The following CHCHD6 variants were observed in gnomAD, a reference collection of about 807,000 sequenced individuals.
The protein encoded by CHCHD6 is MICOS complex subunit MIC25.
Under a neutral mutation model 32.3 loss-of-function variants are expected in CHCHD6, and 28 were observed. The ratio of observed to expected loss-of-function variants is 0.87; its 90% CI spans 0.64 to 1.19. The LOEUF (loss-of-function observed/expected upper bound fraction) is 1.19. Ranked by LOEUF, CHCHD6 falls within the 50% of genes most tolerant of loss-of-function variation. The probability of loss-of-function intolerance (pLI) is 0.00; values close to 1 mark genes in which losing one functional copy is unlikely to be tolerated. For synonymous variants in CHCHD6, 122 were observed against 117.5 expected (o/e 1.04, Z -0.25); for missense variants, 333 against 307.0 (o/e 1.08, Z -0.63).
chr3:126,824,635 G>A (rs913056424), intron 4 of CHCHD6, among the ~76,000 whole-genome samples: 2 of 149,230 alleles, frequency 1.3e-5, no homozygotes, highest in African/African-American at 4.9e-5. Flanking sequence ...TGCTCAGGCT[G>A]GAATGAAATG....
chr3:126,725,653 C>T (rs572812136), intron 1 of CHCHD6, among the ~76,000 whole-genome samples: 20 of 152,330 alleles, frequency 1.3e-4, no homozygotes, highest in African/African-American at 4.3e-4. Flanking sequence ...CATCTTTTCC[C>T]AGTAGAAGAC....
intron 6 of CHCHD6, among the ~76,000 whole-genome samples, chr3:126,922,867 G>A (rs1324268115): frequency 6.6e-6 from 1 of 152,216 alleles, no homozygotes; most frequent in Non-Finnish European, 1.5e-5. Context: ...ACAGAGGTTA[G>A]TGTTTGTGTA....
At chr3:126,734,696 C>G (rs527459086) in intron 4 of CHCHD6, among the ~76,000 whole-genome samples, 9 of 152,252 alleles carry the variant, frequency 5.9e-5, no homozygotes, top group Non-Finnish European at 1.0e-4. Flanking sequence ...TTTGGAAATG[C>G]AAATGTATAA....
chr3:126,764,539 C>G (rs916497940), intron 4 of CHCHD6, among the ~76,000 whole-genome samples: 2 of 152,218 alleles, frequency 1.3e-5, no homozygotes, highest in African/African-American at 4.8e-5. Flanking sequence ...GGTCCCTTTC[C>G]TGCTCCACTC....
In CHCHD6 at chr3:126,731,176, T is replaced by A. The variant is rs116495029; in HGVS notation, c.266+546T>A. On this transcript the variant is annotated intron_variant, in intron 3 of 7. Transcript: ENST00000290913. Reference sequence around the variant, plus strand: ...CAGTTGAGTGGCTGGAACTTCTGCATGTGTGTGCACATGCAGGCATGTTTT... The same window carrying A: ...CAGTTGAGTGGCTGGAACTTCTGCAAGTGTGTGCACATGCAGGCATGTTTT... Among the ~76,000 whole-genome samples the A allele has an allele frequency of 1.5e-3, 228 of 150,012 alleles. 1 individual carries two copies. The highest frequency in any genetic ancestry group is 5.2e-3 in the African/African-American group (211 of 40,752).
chr3:126,850,416 G>A (rs1198372982), intron 4 of CHCHD6, among the ~76,000 whole-genome samples: 2 of 152,216 alleles, frequency 1.3e-5, no homozygotes, highest in South Asian at 2.1e-4. Context: ...GCCTAAGGAG[G>A]TGCTGATGGC....
intron 1 of CHCHD6, among the ~76,000 whole-genome samples, chr3:126,712,942 G>T (rs1934823640): frequency 6.6e-6 from 1 of 152,176 alleles, no homozygotes; most frequent in Admixed American, 6.5e-5. Flanking sequence ...CTACTATCCA[G>T]TCCTTCATCC....
intron 5 of CHCHD6, among the ~76,000 whole-genome samples, chr3:126,858,625 G>C (rs940218110): frequency 6.6e-6 from 1 of 152,124 alleles, no homozygotes; most frequent in Admixed American, 6.5e-5. Flanking sequence ...TCGCCTCCTC[G>C]TGTGACTGGA....
chr3:126,941,885 C>T (rs999017264), intron 6 of CHCHD6, among the ~76,000 whole-genome samples: 1 of 152,208 alleles, frequency 6.6e-6, no homozygotes, highest in Non-Finnish European at 1.5e-5. Flanking sequence ...TCAGCACTGA[C>T]TCAACAGGAC....
intron 2 of CHCHD6, 113 bp downstream of exon 2, chr3:126,727,299 G>A (rs544195419): frequency 8.6e-5 from 56 of 650,650 alleles, no homozygotes; most frequent in Non-Finnish European, 1.3e-4. Context: ...TCTGGATGAC[G>A]TTAAGCAGCT....
intron 5 of CHCHD6, among the ~76,000 whole-genome samples, chr3:126,903,679 T>C (rs2077963254): frequency 6.6e-6 from 1 of 152,224 alleles, no homozygotes; most frequent in South Asian, 2.1e-4. Context: ...GTGCAGATAG[T>C]GGTGCCACCC....
At chr3:126,888,589 G>C (rs192062698) in intron 5 of CHCHD6, among the ~76,000 whole-genome samples, 1 of 152,264 alleles carries the variant, frequency 6.6e-6, no homozygotes, top group African/African-American at 2.4e-5. Flanking sequence ...AGGCCACCTG[G>C]ACAAGTGATG....
Position 126,785,837 on chromosome 3 carries a change from A to G in CHCHD6, c.411+52615A>G, listed in dbSNP as rs115144309. On this transcript the variant is annotated intron_variant, in intron 4 of 7. Coordinates refer to ENST00000290913, the MANE Select transcript of CHCHD6 (RefSeq NM_032343.3). ...CTTTTATACATATATATAAGTAGAT[A>G]TTTATCATACTTTAAGTTCTAGGGT... Among the ~76,000 whole-genome samples, 546 of 151,938 alleles carry G rather than the reference A, an allele frequency of 3.6e-3. 11 individuals carry two copies. Among genetic ancestry groups the G allele is most frequent in the African/African-American group, 0.013 (530 of 41,474 alleles).
At chr3:126,827,900 C>A (rs188327387) in intron 4 of CHCHD6, among the ~76,000 whole-genome samples, 1 of 152,274 alleles carries the variant, frequency 6.6e-6, no homozygotes, top group Non-Finnish European at 1.5e-5. Flanking sequence ...ATGTCAAATT[C>A]TTGCTCCCTT....
At chr3:126,825,505 T>C (rs1940350520) in intron 4 of CHCHD6, among the ~76,000 whole-genome samples, 1 of 152,200 alleles carries the variant, frequency 6.6e-6, no homozygotes. Context: ...GAGTATCCAG[T>C]CTTCATTTAT....
chr3:126,704,517 A>C, intron 1 of CHCHD6, 118 bp downstream of exon 1: 1 of 583,086 alleles, frequency 1.7e-6, no homozygotes, highest in Non-Finnish European at 2.6e-6. Flanking sequence ...GGCTTGGGAG[A>C]CTCCGGGGGC....
chr3:126,778,581 C>G (rs747837143), intron 4 of CHCHD6, among the ~76,000 whole-genome samples: 7 of 152,176 alleles, frequency 4.6e-5, no homozygotes, highest in Admixed American at 6.5e-5. Flanking sequence ...AATGTCTATT[C>G]AGATCCTTTG....
intron 6 of CHCHD6, among the ~76,000 whole-genome samples, chr3:126,953,786 C>G (rs1379331100): frequency 6.6e-6 from 1 of 152,200 alleles, no homozygotes; most frequent in Non-Finnish European, 1.5e-5. Flanking sequence ...AGGAAATGTC[C>G]TTACACAGGG....
At chr3:126,905,914 G>A (rs1409453487) in intron 5 of CHCHD6, among the ~76,000 whole-genome samples, 2 of 152,156 alleles carry the variant, frequency 1.3e-5, no homozygotes, top group Non-Finnish European at 1.5e-5. Flanking sequence ...GGCATCACGC[G>A]AGAACCAAGA....
Sources: allele counts gnomAD v4.1 joint callset (sites outside exome capture counted in the v4.1 genomes callset), GRCh38; gene constraint gnomAD v4.1.1; transcripts MANE v1.5; gene names NCBI Gene and HGNC (gene_info 2026-07-23, HGNC 2026-07-21).